Variants in GPC6 observed in about 807,000 individuals in gnomAD.
GPC6 encodes the protein glypican 6.
In GPC6, 14 loss-of-function variants were observed where a neutral mutation model predicts 55.2. That is an observed-to-expected ratio of 0.25 (90% CI 0.17 to 0.40). The LOEUF is 0.40. Ranked by LOEUF, GPC6 falls within the 10% of genes least tolerant of loss-of-function variation. The pLI is 1.00. For missense variants in GPC6, 641 were observed against 708.5 expected, an observed-to-expected ratio of 0.90 and a Z score of 1.08; for synonymous variants, 278 against 259.6, an observed-to-expected ratio of 1.07 and a Z score of -0.68.
At chr13:93,879,015 T>TC (rs530558886) in intron 3 of GPC6, among the ~76,000 whole-genome samples, 135 of 152,196 alleles carry the variant, frequency 8.9e-4, no homozygotes, top group Non-Finnish European at 1.6e-3. Flanking sequence ...TAAGCGTTTC[T>TC]CAAAAGTGGG....
chr13:94,314,054 T>C (rs1876393880), intron 6 of GPC6, among the ~76,000 whole-genome samples: 1 of 152,252 alleles, frequency 6.6e-6, no homozygotes, highest in Admixed American at 6.5e-5. Context: ...CTAGCTGCTA[T>C]GTACAATCTA....
chr13:93,985,689 CAAAAAAA>C (rs34003218), intron 3 of GPC6, among the ~76,000 whole-genome samples: 16 of 69,396 alleles, frequency 2.3e-4, no homozygotes, highest in East Asian at 8.5e-4. Flanking sequence ...AAGACCTGGC[CAAAAAAA>C]AAAAAAAAAA....
chr13:93,691,406 A>T (rs965579926), intron 2 of GPC6, among the ~76,000 whole-genome samples: 1 of 151,474 alleles, frequency 6.6e-6, no homozygotes, highest in African/African-American at 2.4e-5. Context: ...ATTTTTTTTA[A>T]ATTATCTTTA....
At chr13:93,340,875 TGCACCTACC>T (rs1880230983) in intron 1 of GPC6, among the ~76,000 whole-genome samples, 2 of 152,196 alleles carry the variant, frequency 1.3e-5, no homozygotes, top group South Asian at 4.1e-4. Context: ...GAAATTTTAG[TGCACCTACC>T]ACCGGAGTAC....
chr13:93,742,302 C>T (rs2138850767), intron 2 of GPC6, among the ~76,000 whole-genome samples: 1 of 152,176 alleles, frequency 6.6e-6, no homozygotes, highest in African/African-American at 2.4e-5. Flanking sequence ...TTGATGCTGG[C>T]CTTACTTCTA....
chr13:93,722,049 A>C (rs17468092), intron 2 of GPC6, among the ~76,000 whole-genome samples: 13,594 of 151,820 alleles, frequency 0.09, 977 homozygotes, highest in African/African-American at 0.2. Flanking sequence ...ACAGCAGATA[A>C]ATGATTTTAA....
At chr13:94,274,327 G>A (rs993163789) in intron 4 of GPC6, among the ~76,000 whole-genome samples, 2 of 152,200 alleles carry the variant, frequency 1.3e-5, no homozygotes, top group African/African-American at 4.8e-5. Context: ...TGGTTTCAAA[G>A]TAAACAGTTG....
At chr13:93,469,833 G>A (rs980087152) in intron 1 of GPC6, among the ~76,000 whole-genome samples, 2 of 152,118 alleles carry the variant, frequency 1.3e-5, no homozygotes, top group African/African-American at 2.4e-5. Context: ...TGTTCTGCAT[G>A]TGGATGTTGA....
At chr13:93,812,961 G>A in intron 2 of GPC6, among the ~76,000 whole-genome samples, 2 of 152,278 alleles carry the variant, frequency 1.3e-5, no homozygotes, top group East Asian at 1.9e-4. Flanking sequence ...TGTCAATAAT[G>A]CATCATTCCA....
At chr13:93,300,845 C>T (rs9524006) in intron 1 of GPC6, among the ~76,000 whole-genome samples, 30,579 of 151,492 alleles carry the variant, frequency 0.2, 3,241 homozygotes, top group Non-Finnish European at 0.24. Flanking sequence ...CATGAAGAAA[C>T]TCCATCTCTA....
chr13:93,504,740 T>C (rs372017134), intron 1 of GPC6, among the ~76,000 whole-genome samples: 1 of 151,968 alleles, frequency 6.6e-6, no homozygotes, highest in East Asian at 1.9e-4. Flanking sequence ...TAATTACCAA[T>C]AATTATCTAA....
intron 2 of GPC6, among the ~76,000 whole-genome samples, chr13:93,568,583 A>G (rs1451385232): frequency 2.0e-5 from 3 of 152,182 alleles, no homozygotes; most frequent in Non-Finnish European, 4.4e-5. Flanking sequence ...CTGGGGCAGA[A>G]ACCACAAAAA....
intron 2 of GPC6, among the ~76,000 whole-genome samples, chr13:93,815,969 G>C (rs1886835092): frequency 6.6e-6 from 1 of 152,100 alleles, no homozygotes. Context: ...GTGGTAAAAG[G>C]TGTCTTAACT....
chr13:94,199,503 C>T lies in GPC6; in HGVS notation c.878-86846C>T, dbSNP rs76357421. Among the ~76,000 whole-genome samples, 432 of 152,274 alleles carry T rather than the reference C, an allele frequency of 2.8e-3. 2 individuals carry two copies. The highest frequency in any genetic ancestry group is 4.3e-3 in the Non-Finnish European group (295 of 68,030). On this transcript the variant is annotated intron_variant, in intron 4 of 8. Transcript: ENST00000377047. ...TGTAAATTTGGAACAATAACATTCACTCCACGGAGTGATGATGAGGTTTCT... is the reference window on the plus strand; with the variant it reads ...TGTAAATTTGGAACAATAACATTCATTCCACGGAGTGATGATGAGGTTTCT...
At chr13:94,011,568 T>C (rs9888498) in intron 3 of GPC6, among the ~76,000 whole-genome samples, 5,256 of 152,256 alleles carry the variant, frequency 0.035, 318 homozygotes, top group African/African-American at 0.12. Flanking sequence ...TTTTATTATG[T>C]TGTTCTCGGA....
intron 4 of GPC6, among the ~76,000 whole-genome samples, chr13:94,169,044 A>G (rs1888469693): frequency 6.6e-6 from 1 of 152,238 alleles, no homozygotes; most frequent in Admixed American, 6.5e-5. Context: ...GGGAGCCGCT[A>G]TTAAGGAAGG....
intron 3 of GPC6, among the ~76,000 whole-genome samples, chr13:93,898,931 TTATATATAAATATATA>T (rs1876177027): frequency 9.1e-6 from 1 of 110,468 alleles, no homozygotes; most frequent in Non-Finnish European, 1.8e-5. Context: ...TATAAAAATA[TTATATATAAATATATA>T]TATATATATA....
chr13:94,272,917 C>G (rs1388249557), intron 4 of GPC6, among the ~76,000 whole-genome samples: 1 of 152,080 alleles, frequency 6.6e-6, no homozygotes, highest in Admixed American at 6.5e-5. Flanking sequence ...CTCCTCGTGT[C>G]CCTGGAACTC....
intron 3 of GPC6, among the ~76,000 whole-genome samples, chr13:93,904,939 A>T (rs1379260439): frequency 1.5e-5 from 1 of 68,020 alleles, no homozygotes; most frequent in East Asian, 5.1e-4. Context: ...CCCCCACCCC[A>T]CAACAGTCCC....
Sources: gnomAD v4.1 joint callset for allele counts (sites outside exome capture counted in the v4.1 genomes callset) on GRCh38, gnomAD v4.1.1 for gene constraint, MANE v1.5 for transcripts, NCBI Gene and HGNC (gene_info 2026-07-23, HGNC 2026-07-21) for gene names.